Variants in PDGFRL observed in about 807,000 individuals in gnomAD.
PDGFRL encodes platelet-derived growth factor receptor-like protein.
Under a neutral mutation model 37.2 loss-of-function variants are expected in PDGFRL, and 46 were observed. The observed-to-expected ratio is 1.24, with a 90% CI of 0.98 to 1.58. The LOEUF (loss-of-function observed/expected upper bound fraction) is 1.58. PDGFRL is among the 40% of genes most tolerant of loss of function. The pLI is 0.00. For synonymous variants in PDGFRL, 251 were observed against 184.3 expected, an observed-to-expected ratio of 1.36 and a Z score of -2.93; for missense variants, 692 against 467.6, an observed-to-expected ratio of 1.48 and a Z score of -4.43.
chr8:17,618,646 C>G (rs1804575358), intron 2 of PDGFRL, among the ~76,000 whole-genome samples: 1 of 152,202 alleles, frequency 6.6e-6, no homozygotes, highest in Admixed American at 6.5e-5. Context: ...AGTTTTCCCC[C>G]TCTGCAAAAT....
At chr8:17,580,126 T>G (rs529504899) in intron 1 of PDGFRL, among the ~76,000 whole-genome samples, 3 of 152,294 alleles carry the variant, frequency 2.0e-5, no homozygotes, top group African/African-American at 7.2e-5. Flanking sequence ...AGATCCTTGA[T>G]CCATGCTAAT....
intron 2 of PDGFRL, among the ~76,000 whole-genome samples, chr8:17,616,624 C>T (rs555768517): frequency 6.6e-6 from 1 of 152,252 alleles, no homozygotes; most frequent in Middle Eastern, 3.4e-3. Context: ...ACTGCATGCC[C>T]TCGATTTGCG....
At chr8:17,586,636 G>C (rs537632956) in intron 1 of PDGFRL, among the ~76,000 whole-genome samples, 1 of 151,650 alleles carries the variant, frequency 6.6e-6, no homozygotes, top group African/African-American at 2.4e-5. Context: ...GATCTCATGT[G>C]ACAACCATAA....
intron 2 of PDGFRL, among the ~76,000 whole-genome samples, chr8:17,610,181 G>T (rs1379671741): frequency 6.6e-6 from 1 of 152,124 alleles, no homozygotes; most frequent in Non-Finnish European, 1.5e-5. Flanking sequence ...TCATCTTCCA[G>T]GGCCGATTCT....
intron 2 of PDGFRL, among the ~76,000 whole-genome samples, chr8:17,599,351 T>C (rs2299572): frequency 0.28 from 43,259 of 152,148 alleles, 6,565 homozygotes; most frequent in African/African-American, 0.4. Context: ...TACGCCTTTG[T>C]GTCCTCACAG....
chr8:17,599,303 T>G (rs1233599603), intron 2 of PDGFRL, among the ~76,000 whole-genome samples: 2 of 152,156 alleles, frequency 1.3e-5, no homozygotes, highest in East Asian at 3.9e-4. Flanking sequence ...TGCCCCAAAC[T>G]CTTCCCCCCA....
In PDGFRL at chr8:17,583,157, T is replaced by A. The variant is rs559227979; in HGVS notation, c.55+5850T>A. On this transcript the variant is annotated intron_variant, in intron 1 of 5. Transcript: ENST00000251630. ...TAGCTTCCACCTAGATTTCAGAGGA[T>A]GTATCAGAAAGCCTGAGTGTGCGAG... 2.0e-5 allele frequency among the ~76,000 whole-genome samples: 3 copies of A among 152,008 alleles called. No homozygotes were observed. In the East Asian group the frequency reaches 5.8e-4, roughly 29 times the overall value.
chr8:17,631,269 CAAAGGTGACTTTAGTCTCTCCGAG>C (rs1449404940), intron 4 of PDGFRL, among the ~76,000 whole-genome samples: 1 of 152,106 alleles, frequency 6.6e-6, no homozygotes, highest in Non-Finnish European at 1.5e-5. Flanking sequence ...TGTAGTCCCT[CAAAGGTGACTTTAGTCTCTCCGAG>C]AACTCTCACC....
intron 2 of PDGFRL, among the ~76,000 whole-genome samples, chr8:17,608,553 G>A (rs1248828326): frequency 6.6e-6 from 1 of 152,228 alleles, no homozygotes; most frequent in African/African-American, 2.4e-5. Flanking sequence ...GGGGTGACCA[G>A]AGCGAGTGTG....
At chr8:17,616,994 G>T (rs1804543797) in intron 2 of PDGFRL, among the ~76,000 whole-genome samples, 1 of 152,166 alleles carries the variant, frequency 6.6e-6, no homozygotes, top group African/African-American at 2.4e-5. Flanking sequence ...CCTCCTCTGT[G>T]CCATCTCATG....
chr8:17,607,200 A>C (rs193119138), intron 2 of PDGFRL, among the ~76,000 whole-genome samples: 21 of 152,210 alleles, frequency 1.4e-4, no homozygotes, highest in Admixed American at 1.2e-3. Context: ...TCAATCCCCT[A>C]CAAACTCTTT....
chr8:17,628,920 T>C (rs1804797618), intron 4 of PDGFRL, 140 bp downstream of exon 4: 1 of 633,524 alleles, frequency 1.6e-6, no homozygotes, highest in Admixed American at 2.9e-5. Context: ...GTTGTTTTTT[T>C]TTCTCTTTTT....
At chr8:17,623,405 T>C (rs1462546843) in intron 3 of PDGFRL, among the ~76,000 whole-genome samples, 4 of 152,154 alleles carry the variant, frequency 2.6e-5, no homozygotes, top group African/African-American at 7.2e-5. Flanking sequence ...GAAGCAACAG[T>C]GGAAAAAGCA....
intron 2 of PDGFRL, among the ~76,000 whole-genome samples, chr8:17,597,907 T>C (rs1804087950): frequency 6.6e-6 from 1 of 152,236 alleles, no homozygotes; most frequent in African/African-American, 2.4e-5. Flanking sequence ...TGATTTCATA[T>C]GGATTTTTAT....
At chr8:17,606,789 A>C (rs546706488) in intron 2 of PDGFRL, among the ~76,000 whole-genome samples, 2 of 152,250 alleles carry the variant, frequency 1.3e-5, no homozygotes, top group Admixed American at 6.5e-5. Flanking sequence ...CTCTTGGCAC[A>C]CATAGTAAGC....
chr8:17,582,181 C>T (rs555275426), intron 1 of PDGFRL, among the ~76,000 whole-genome samples: 6 of 152,226 alleles, frequency 3.9e-5, no homozygotes, highest in African/African-American at 1.2e-4. Context: ...TGCATTGTGT[C>T]CATGCCCTAG....
Position 17,632,918 on chromosome 8 carries a change from C to T in PDGFRL, c.800-1156C>T, listed in dbSNP as rs73571127. 6.6e-3 allele frequency among the ~76,000 whole-genome samples: 1,009 copies of T among 152,306 alleles called. 10 individuals carry two copies. Among genetic ancestry groups the T allele is most frequent in the African/African-American group, 0.022 (935 of 41,580 alleles). On this transcript the variant is annotated intron_variant, in intron 4 of 5. Coordinates refer to ENST00000251630, the MANE Select transcript of PDGFRL (RefSeq NM_001372073.1). ...GAGATTTTAGTTCAAACAGCGCTTC[C>T]TCAAGGAAGCCCTTCCTGGCTCTCA... is the stretch of plus-strand genomic sequence containing the variant.
intron 2 of PDGFRL, chr8:17,596,505 A>G (rs1020958811): frequency 5.5e-6 from 2 of 366,694 alleles, no homozygotes; most frequent in Non-Finnish European, 9.6e-6. Flanking sequence ...TACACAAAGC[A>G]TCTTAAGCTT....
chr8:17,610,353 G>A (rs1358669092), intron 2 of PDGFRL, among the ~76,000 whole-genome samples: 3 of 152,146 alleles, frequency 2.0e-5, no homozygotes, highest in Non-Finnish European at 2.9e-5. Context: ...TCCGGAATCC[G>A]AAATGCTACA....
Sources: gnomAD v4.1 joint callset for allele counts (sites outside exome capture counted in the v4.1 genomes callset) on GRCh38, gnomAD v4.1.1 for gene constraint, MANE v1.5 for transcripts, NCBI Gene and HGNC (gene_info 2026-07-23, HGNC 2026-07-21) for gene names.